The following SHROOM4 variants were observed in gnomAD, a reference collection of about 807,000 sequenced individuals.
The protein encoded by SHROOM4 is shroom family member 4, also known as protein Shroom4.
SHROOM4 carries 17 observed loss-of-function variants against 80.3 expected under a neutral mutation model. The ratio of observed to expected loss-of-function variants is 0.21; its 90% CI spans 0.14 to 0.32. The LOEUF (loss-of-function observed/expected upper bound fraction) is 0.32, where lower values mean the gene tolerates loss of function less well. SHROOM4 is among the 10% of genes least tolerant of loss of function. The pLI is 1.00. For synonymous variants in SHROOM4, 400 were observed against 437.5 expected, an observed-to-expected ratio of 0.91 and a Z score of 1.07; for missense variants, 993 against 1,140.3, an observed-to-expected ratio of 0.87 and a Z score of 1.86.
At chrX:50,696,663 A>G (rs782037758) in intron 1 of SHROOM4, among the ~76,000 whole-genome samples, 3 of 112,507 alleles carry the variant, frequency 2.7e-5, no homozygotes, top group South Asian at 3.7e-4. Context: ...TTCTTTATCT[A>G]TGTCTCTTCA....
At chrX:50,793,167 A>C (rs1463033192) in intron 1 of SHROOM4, among the ~76,000 whole-genome samples, 1 of 110,328 alleles carries the variant, frequency 9.1e-6, no homozygotes, top group Admixed American at 9.8e-5. Context: ...CATTATGCTA[A>C]ATGAAATAAG....
At chrX:50,744,309 C>T (rs1934730275) in intron 1 of SHROOM4, among the ~76,000 whole-genome samples, 1 of 111,347 alleles carries the variant, frequency 9.0e-6, no homozygotes, top group South Asian at 3.8e-4. Flanking sequence ...TTTTCTTTCT[C>T]TATTAATCTG....
chrX:50,658,725 C>G (rs954108172), intron 2 of SHROOM4, among the ~76,000 whole-genome samples: 1 of 111,450 alleles, frequency 9.0e-6, no homozygotes, highest in African/African-American at 3.3e-5. Context: ...AAAGGGAAAG[C>G]CTCCCAGAAA....
intron 1 of SHROOM4, among the ~76,000 whole-genome samples, chrX:50,742,106 T>C (rs1322102659): frequency 1.8e-5 from 2 of 110,989 alleles, no homozygotes; most frequent in Non-Finnish European, 3.8e-5. Context: ...GTGTATGAAA[T>C]TACTCTCTGG....
intron 1 of SHROOM4, among the ~76,000 whole-genome samples, chrX:50,786,846 T>C (rs1935750229): frequency 9.0e-6 from 1 of 110,995 alleles, no homozygotes; most frequent in Non-Finnish European, 1.9e-5. Flanking sequence ...AAAACTAACA[T>C]AAAGATGTTC....
intron 1 of SHROOM4, among the ~76,000 whole-genome samples, chrX:50,745,065 A>G (rs782490630): frequency 1.8e-5 from 2 of 111,612 alleles, no homozygotes; most frequent in Admixed American, 1.9e-4. Flanking sequence ...GCAGCTCATA[A>G]ATATCATATC....
At chrX:50,769,215 A>G (rs1935347304) in intron 1 of SHROOM4, among the ~76,000 whole-genome samples, 1 of 109,467 alleles carries the variant, frequency 9.1e-6, no homozygotes, top group African/African-American at 3.3e-5. Flanking sequence ...GAGGGAGGGA[A>G]GAAAGGGGAA....
intron 5 of SHROOM4, among the ~76,000 whole-genome samples, chrX:50,612,838 A>T (rs965792035): frequency 1.1e-5 from 1 of 92,502 alleles, no homozygotes; most frequent in Non-Finnish European, 2.0e-5. Flanking sequence ...ACTTCCAGAT[A>T]AAAAAAAAAC....
At chrX:50,618,550 G>T (rs916569864) in intron 5 of SHROOM4, among the ~76,000 whole-genome samples, 2 of 109,297 alleles carry the variant, frequency 1.8e-5, no homozygotes, top group Non-Finnish European at 3.8e-5. Context: ...ACCATGCCTA[G>T]CTAATTTTTG....
At chrX:50,774,988 A>C (rs139421776) in intron 1 of SHROOM4, among the ~76,000 whole-genome samples, 2,872 of 111,720 alleles carry the variant, frequency 0.026, 93 homozygotes, top group African/African-American at 0.089. Context: ...TTAAATTGAC[A>C]CTCATGTCTT....
chrX:50,609,633 C>T (rs1234852980), intron 5 of SHROOM4, among the ~76,000 whole-genome samples: 1 of 107,119 alleles, frequency 9.3e-6, no homozygotes, highest in Non-Finnish European at 1.9e-5. Context: ...ATATTATATA[C>T]CAAAATAAAT....
At chrX:50,765,965 C>G (rs1557269296) in intron 1 of SHROOM4, among the ~76,000 whole-genome samples, 1 of 112,063 alleles carries the variant, frequency 8.9e-6, no homozygotes, top group South Asian at 3.8e-4. Flanking sequence ...ACTACCTTCA[C>G]CTGGTATGTT....
chrX:50,689,029 C>A, intron 2 of SHROOM4, among the ~76,000 whole-genome samples: 1 of 110,657 alleles, frequency 9.0e-6, no homozygotes, highest in Non-Finnish European at 1.9e-5. Context: ...GATCCTGGAC[C>A]AGCATTAAGA....
intron 2 of SHROOM4, among the ~76,000 whole-genome samples, chrX:50,650,857 C>CT (rs782759826): frequency 4.1e-4 from 46 of 112,115 alleles, no homozygotes; most frequent in East Asian, 5.6e-4. Context: ...TAGCAAAATG[C>CT]TTTTTTTCCA....
chrX:50,631,605 T>C (rs1557254140), intron 4 of SHROOM4, among the ~76,000 whole-genome samples: 1 of 112,220 alleles, frequency 8.9e-6, no homozygotes, highest in Non-Finnish European at 1.9e-5. Context: ...TGATTGTGTA[T>C]GTAGAAAATG....
chrX:50,586,728 ATAGT>A (rs1928766400), downstream of SHROOM4, among the ~76,000 whole-genome samples: 1 of 112,049 alleles, frequency 8.9e-6, no homozygotes, highest in South Asian at 3.7e-4. Context: ...CTCTTCAGTG[ATAGT>A]TTGTCATCCT....
chrX:50,761,002 G>C (rs1935144194), intron 1 of SHROOM4, among the ~76,000 whole-genome samples: 1 of 111,173 alleles, frequency 9.0e-6, no homozygotes, highest in African/African-American at 3.3e-5. Context: ...TTCCAATGTA[G>C]CATTTTAATT....
Position 50,644,284 on chromosome X carries a change from A to T in SHROOM4, c.270-5976T>A, listed in dbSNP as rs781967001. ...GTCAGTGTCCCTGGATTTGCCATGA[A>T]TTCACTCTGACCTCTGGCAACTTAC... On this transcript the variant is annotated intron_variant, in intron 2 of 8. Transcript: ENST00000376020. Among the ~76,000 whole-genome samples, 6 of 111,976 alleles carry T rather than the reference A, an allele frequency of 5.4e-5. No homozygotes were observed. The South Asian group carries it at 2.3e-3, about 42-fold the overall frequency.
At chrX:50,662,730 T>C (rs1443193349) in intron 2 of SHROOM4, among the ~76,000 whole-genome samples, 1 of 112,116 alleles carries the variant, frequency 8.9e-6, no homozygotes, top group Non-Finnish European at 1.9e-5. Context: ...ATCTAGCTTA[T>C]ATGTGATTTG....
Sources: gnomAD v4.1 joint callset for allele counts (sites outside exome capture counted in the v4.1 genomes callset) on GRCh38, gnomAD v4.1.1 for gene constraint, MANE v1.5 for transcripts, NCBI Gene and HGNC (gene_info 2026-07-23, HGNC 2026-07-21) for gene names.